Variants in SLC47A1 observed in about 807,000 individuals in gnomAD.
The protein encoded by SLC47A1 is multidrug and toxin extrusion protein 1.
In SLC47A1, 58 loss-of-function variants were observed where a neutral mutation model predicts 65.8. The observed-to-expected ratio is 0.88, with a 90% CI of 0.71 to 1.10. The LOEUF is 1.10. Ranked by LOEUF, SLC47A1 falls within the 50% of genes least tolerant of loss-of-function variation. SLC47A1 has a pLI of 0.00. For synonymous variants in SLC47A1, 285 were observed against 295.0 expected, an observed-to-expected ratio of 0.97 and a Z score of 0.35; for missense variants, 706 against 719.2, an observed-to-expected ratio of 0.98 and a Z score of 0.21.
chr17:19,563,084 T>C (rs974708990), intron 12 of SLC47A1, among the ~76,000 whole-genome samples: 3 of 149,874 alleles, frequency 2.0e-5, no homozygotes, highest in African/African-American at 4.9e-5. Context: ...CTAGAAAAGA[T>C]AGAAGGTCTA....
chr17:19,547,877 C>T, intron 3 of SLC47A1, 108 bp from the exon 4 acceptor site: 5 of 1,323,888 alleles, frequency 3.8e-6, no homozygotes, highest in Non-Finnish European at 5.1e-6. Context: ...CGTGAGCCAC[C>T]TTATCCAGCC....
chr17:19,555,768 C>G, intron 8 of SLC47A1, 28 bp from the exon 9 acceptor site: 1 of 1,613,300 alleles, frequency 6.2e-7, no homozygotes, highest in Non-Finnish European at 8.5e-7. Context: ...GGCCAGATCT[C>G]CTGGAAATGT....
intron 16 of SLC47A1, among the ~76,000 whole-genome samples, chr17:19,573,228 C>T (rs1350421467): frequency 6.6e-6 from 1 of 152,156 alleles, no homozygotes; most frequent in East Asian, 1.9e-4. Flanking sequence ...TTAAACAGGT[C>T]GTTGCTTGGA....
intron 1 of SLC47A1, among the ~76,000 whole-genome samples, chr17:19,536,008 C>T (rs1282882373): frequency 6.6e-6 from 1 of 151,978 alleles, no homozygotes; most frequent in Non-Finnish European, 1.5e-5. Flanking sequence ...GATCTGTCGG[C>T]CAGGCTGGAG....
rs1251773121 is a variant in SLC47A1 at position 19,533,882 on chromosome 17, G to T, written c.-58G>T. 27 of 1,387,240 alleles carry T rather than the reference G, an allele frequency of 1.9e-5. No individual in the cohort carries two copies. Among genetic ancestry groups the T allele is most frequent in the Admixed American group, 2.9e-5 (1 of 34,756 alleles). The allele number at this position is 1,387,240 out of a possible 1,614,324, so 85.9% of individuals were successfully genotyped here. On this transcript the variant is annotated 5_prime_UTR_variant, in exon 1 of 17. Coordinates refer to ENST00000270570, the MANE Select transcript of SLC47A1 (RefSeq NM_018242.3). ...GCCGGCCTGCGCGGTACTCACTGCC[G>T]GCCTCCGCGGTACCCACTGCCGGCC...
chr17:19,555,670 T>C lies in SLC47A1; in HGVS notation c.719T>C (p.Leu240Pro). 1.9e-6 allele frequency: 3 copies of C among 1,614,214 alleles called. No individual in the cohort carries two copies. The highest frequency in any genetic ancestry group is 2.5e-6 in the Non-Finnish European group (3 of 1,180,028). The stretch of plus-strand genomic sequence containing the variant: ...TTTCTCTACATCCTCGGGAAAAAAC[T>C]GCATCAAGCTACATGGGGAGGTAAT... ...LLFLYILGKK[L>P]HQATWGGWSL... Residue 240 changes from leucine to proline, a missense_variant, in exon 8 of 17, where the codon CTG (leucine) becomes CCG (proline). Coordinates refer to ENST00000270570, the MANE Select transcript of SLC47A1 (RefSeq NM_018242.3).
At chr17:19,551,357 C>T in intron 5 of SLC47A1, 67 bp from the exon 6 acceptor site, 1 of 1,378,916 alleles carries the variant, frequency 7.3e-7, no homozygotes, top group Non-Finnish European at 1.0e-6. Context: ...TAGCTCCCTG[C>T]CGTGTGACCT....
At chr17:19,566,890 T>C (rs1567576847) in intron 13 of SLC47A1, 31 bp downstream of exon 13, 1 of 1,609,434 alleles carries the variant, frequency 6.2e-7, no homozygotes, top group African/African-American at 1.3e-5. Context: ...CCCTAAGCAC[T>C]GTTATGATCT....
chr17:19,572,920 G>C, intron 16 of SLC47A1, 59 bp downstream of exon 16: 1 of 1,438,924 alleles, frequency 6.9e-7, no homozygotes, highest in Non-Finnish European at 9.8e-7. Flanking sequence ...TGGAGGGGCT[G>C]TTAGTGAGAC....
In SLC47A1 at chr17:19,542,435, T is replaced by A; in HGVS notation, c.178T>A (p.Ser60Thr). The change falls in exon 2 of 17, where the codon TCC (serine) becomes ACC (threonine). Residue 60 changes from serine to threonine, a missense_variant. Ser to Thr is a moderately conservative substitution (Grantham distance 58). Transcript: ENST00000270570. ...LMVFLISFIS[S>T]VFCGHLGKLE... is the part of the protein sequence containing the mutation. ...GGTGTTCCTGATCAGCTTCATAAGCTCCGTGTTCTGTGGCCACCTGGGCAA... is the reference window on the plus strand; with the variant it reads ...GGTGTTCCTGATCAGCTTCATAAGCACCGTGTTCTGTGGCCACCTGGGCAA... 6.2e-7 allele frequency: 1 copy of A among 1,612,290 alleles called. No homozygotes were observed. Among genetic ancestry groups the A allele is most frequent in the Non-Finnish European group, 8.5e-7 (1 of 1,179,384 alleles).
rs117766474 is a variant in SLC47A1 at position 19,577,126 on chromosome 17, G to A, written c.1487-201G>A. On this transcript the variant is annotated intron_variant, in intron 16 of 16. Transcript: ENST00000270570. The stretch of plus-strand genomic sequence containing the variant: ...TGCTCCCTGGAGCACCCAAGCCAGC[G>A]CTGGTAGGATCATCGGTGTTCGTGA... Among the ~76,000 whole-genome samples the A allele has an allele frequency of 2.2e-3, 338 of 152,224 alleles. 9 individuals are homozygous for A. The East Asian group carries it at 0.053, about 24-fold the overall frequency.
Position 19,555,662 on chromosome 17 carries a change from G to GA in SLC47A1, c.717dup (p.Leu240ThrfsTer39), listed in dbSNP as rs762001651. 3.5e-5 allele frequency: 57 copies of GA among 1,614,032 alleles called. 1 individual carries two copies. The Middle Eastern group carries it at 9.9e-4, about 28-fold the overall frequency. ...TACTCCTCTTTCTCTACATCCTCGG[G>GA]AAAAAACTGCATCAAGCTACATGGG... On this transcript the variant is annotated frameshift_variant, in exon 8 of 17. Transcript: ENST00000270570. LOFTEE classifies it high-confidence loss of function.
In SLC47A1 at chr17:19,577,376, A is replaced by G; in HGVS notation, c.1536A>G (p.Thr512=). 2 of 1,614,206 alleles carry G rather than the reference A, an allele frequency of 1.2e-6. No individual in the cohort carries two copies. Among genetic ancestry groups the G allele is most frequent in the Non-Finnish European group, 1.7e-6 (2 of 1,180,038 alleles). The change falls in exon 17 of 17, where the codon ACA becomes ACG. Residue 512 remains threonine (T), a synonymous_variant. Coordinates refer to ENST00000270570, the MANE Select transcript of SLC47A1 (RefSeq NM_018242.3). ...TTTTAACGAACGATGTTGGAAAGAC[A>G]GGCGAGCCTCAGTCAGATCAGCAGA... ...EGILTNDVGK[T]GEPQSDQQMR... is the part of the protein sequence containing the mutation.
chr17:19,537,548 G>A (rs1232079712), intron 1 of SLC47A1, among the ~76,000 whole-genome samples: 1 of 152,218 alleles, frequency 6.6e-6, no homozygotes, highest in African/African-American at 2.4e-5. Flanking sequence ...GAGGAAAGCC[G>A]GGTGAGGTCC....
chr17:19,550,810 G>C (rs1411958374), intron 5 of SLC47A1, among the ~76,000 whole-genome samples: 1 of 152,110 alleles, frequency 6.6e-6, no homozygotes, highest in African/African-American at 2.4e-5. Flanking sequence ...GCCTGTGGAC[G>C]GCCACCCTCT....
intron 12 of SLC47A1, among the ~76,000 whole-genome samples, chr17:19,565,873 G>T (rs977920972): frequency 2.0e-5 from 3 of 152,080 alleles, no homozygotes; most frequent in African/African-American, 7.2e-5. Context: ...GAGCCACCGT[G>T]CCTGGTGGTC....
intron 1 of SLC47A1, among the ~76,000 whole-genome samples, chr17:19,541,570 T>C (rs141886017): frequency 3.4e-4 from 52 of 152,290 alleles, no homozygotes; most frequent in African/African-American, 1.2e-3. Flanking sequence ...CTTCCTAGAA[T>C]GCAAGGCGTT....
At chr17:19,540,845 A>AAC (rs569446149) in intron 1 of SLC47A1, among the ~76,000 whole-genome samples, 1 of 96,686 alleles carries the variant, frequency 1.0e-5, no homozygotes, top group Non-Finnish European at 1.8e-5. Flanking sequence ...CTTCTCCTAC[A>AAC]ACAGACACAC....
intron 16 of SLC47A1, among the ~76,000 whole-genome samples, chr17:19,574,330 G>C (rs1280858676): frequency 6.6e-6 from 1 of 152,084 alleles, no homozygotes; most frequent in Non-Finnish European, 1.5e-5. Context: ...CCAAAGCCCT[G>C]GTCAGCGTCT....
Sources: gnomAD v4.1 joint callset for allele counts (sites outside exome capture counted in the v4.1 genomes callset) on GRCh38, gnomAD v4.1.1 for gene constraint, MANE v1.5 for transcripts, NCBI Gene and HGNC (gene_info 2026-07-23, HGNC 2026-07-21) for gene names.